ZNF778: variants seen among roughly 807,000 people sequenced by gnomAD.
The protein encoded by ZNF778 is zinc finger protein 778.
Under a neutral mutation model 23.9 loss-of-function variants are expected in ZNF778, and 37 were observed. The ratio of observed to expected loss-of-function variants is 1.54; its 90% confidence interval spans 1.19 to 2.03. The LOEUF (loss-of-function observed/expected upper bound fraction) is 2.03. ZNF778 is among the 30% of genes most tolerant of loss of function. The probability of loss-of-function intolerance (pLI) is 0.00; values close to 1 mark genes in which losing one functional copy is unlikely to be tolerated. For synonymous variants in ZNF778, 483 were observed against 343.9 expected (o/e 1.40, Z -4.48); for missense variants, 1,297 against 934.4 (o/e 1.39, Z -5.06).
Position 89,226,772 on chromosome 16 carries a change from A to G in ZNF778, c.484A>G (p.Thr162Ala), listed in dbSNP as rs1368965662. The G allele has an allele frequency of 1.9e-6, 3 of 1,614,010 alleles. No individual in the cohort carries two copies. The Admixed American group carries it at 5.0e-5, about 27-fold the overall frequency. Reference sequence around the variant, plus strand: ...TTTCAGTGAACACTCAGGCCTCAGCACACACGTGAGAACTCAAAATACAGG... The same window carrying G: ...TTTCAGTGAACACTCAGGCCTCAGCGCACACGTGAGAACTCAAAATACAGG... The part of the protein sequence containing the change: ...EAFSEHSGLS[T>A]HVRTQNTGDS... Residue 162 changes from threonine to alanine, a missense_variant, in exon 7 of 7, where the codon ACA (threonine) becomes GCA (alanine). Transcript: ENST00000433976.
intron 5 of ZNF778, among the ~76,000 whole-genome samples, chr16:89,225,024 C>G (rs1005616138): frequency 2.0e-5 from 1 of 49,722 alleles, no homozygotes; most frequent in African/African-American, 4.8e-5. Context: ...CTGAGCTTCC[C>G]GTAATTCCTT....
At position 89,226,862 on chromosome 16, in the gene ZNF778, A is replaced by G. The variant is rs748833410; in HGVS notation, c.574A>G (p.Lys192Glu). 1 of 1,614,034 alleles carries G rather than the reference A, an allele frequency of 6.2e-7. No homozygotes were observed. The highest frequency in any genetic ancestry group is 1.1e-5 in the South Asian group (1 of 91,082). ...TATTCCATGCCAGAAAACCTTGTTC[A>G]AAATTGGAGAGCAGTTTTCCGTGTT... is the stretch of plus-strand genomic sequence containing the variant. Reference protein sequence around the residue: ...FFIPCQKTLFKIGEQFSVLGQ... With the variant: ...FFIPCQKTLFEIGEQFSVLGQ... Residue 192 changes from lysine to glutamate, a missense_variant, in exon 7 of 7, where the codon AAA becomes GAA. Coordinates refer to ENST00000433976, the MANE Select transcript of ZNF778 (RefSeq NM_001201407.2).
In ZNF778 at chr16:89,228,288, A is replaced by C; in HGVS notation, c.2000A>C (p.His667Pro). 6.2e-7 allele frequency: 1 copy of C among 1,605,700 alleles called. No homozygotes were observed. The highest frequency in any genetic ancestry group is 8.5e-7 in the Non-Finnish European group (1 of 1,173,256). Residue 667 changes from histidine (H) to proline (P), a missense_variant, in exon 7 of 7, where the codon CAC (histidine) becomes CCC (proline). Physicochemically the swap from His to Pro is moderately conservative, Grantham distance 77. Coordinates refer to ENST00000433976, the MANE Select transcript of ZNF778 (RefSeq NM_001201407.2). ...CACCTTATCGAACACAGAAGGACTC[A>C]CACAGGAGAGAAACCTTACATATGT... The part of the protein sequence containing the change: ...SSHLIEHRRT[H>P]TGEKPYICNE...
In ZNF778 at chr16:89,232,983, T is replaced by C; in HGVS notation, c.*4421T>C. 8.0e-7 allele frequency: 1 copy of C among 1,251,780 alleles called. No individual in the cohort carries two copies. Among genetic ancestry groups the C allele is most frequent in the South Asian group, 1.3e-5 (1 of 74,252 alleles). The allele number at this position is 1,251,780 out of a possible 1,614,324, so 77.5% of individuals were successfully genotyped here. A position where few individuals can be genotyped will look rare whatever the true frequency, so the allele number is the denominator to read the frequency against. On this transcript the variant is annotated 3_prime_UTR_variant, in exon 7 of 7. Transcript: ENST00000433976. The stretch of plus-strand genomic sequence containing the variant: ...GCTCTGCGTATGCAACTGAGCTCGC[T>C]CTGCGTATGCAACCCAGCTCGCTCT...
In ZNF778 at chr16:89,230,794, C is replaced by T. The variant is rs748796167; in HGVS notation, c.*2232C>T. ...TGAATCCCCACGGTATAAAGGTAAT[C>T]TACAACGAGGTGAACAATAAATCCT... On this transcript the variant is annotated 3_prime_UTR_variant, in exon 7 of 7. Transcript: ENST00000433976. 3.3e-5 allele frequency: 5 copies of T among 152,370 alleles called. No individual in the cohort carries two copies. The highest frequency in any genetic ancestry group is 3.4e-3 in the Middle Eastern group (1 of 294). The allele number at this position is 152,370 out of a possible 1,614,324, so 9.4% of individuals were successfully genotyped here. A position where few individuals can be genotyped will look rare whatever the true frequency, so the allele number is the denominator to read the frequency against.
rs1006238244 is a variant in ZNF778, at chr16:89,232,389, T to A, written c.*3827T>A. ...GAACCATGAGCCAAATAAGCCTCTTTCTAAGTTACCCACAGCCTCAGATAT... is the reference window on the plus strand; with the variant it reads ...GAACCATGAGCCAAATAAGCCTCTTACTAAGTTACCCACAGCCTCAGATAT... On this transcript the variant is annotated 3_prime_UTR_variant, in exon 7 of 7. Transcript: ENST00000433976. 1 of 300,212 alleles carries A rather than the reference T, an allele frequency of 3.3e-6. No homozygotes were observed. Among genetic ancestry groups the A allele is most frequent in the African/African-American group, 2.2e-5 (1 of 45,790 alleles). 18.6% of individuals were successfully genotyped at this position (300,212 alleles called of 1,614,324 possible). A position where few individuals can be genotyped will look rare whatever the true frequency, so the allele number is the denominator to read the frequency against.
Position 89,221,061 on chromosome 16 carries a change from C to G in ZNF778, c.-67C>G. On this transcript the variant is annotated 5_prime_UTR_variant, in exon 2 of 7. Coordinates refer to ENST00000433976, the MANE Select transcript of ZNF778 (RefSeq NM_001201407.2). ...AGACTGTACCTTCCACATAGATTCA[C>G]AAGCTGCCCTGCAGTGGCCTTGGCT... The G allele has an allele frequency of 6.5e-7, 1 of 1,539,640 alleles. No homozygotes were observed. The highest frequency in any genetic ancestry group is 2.0e-5 in the Admixed American group (1 of 51,070).
Position 89,234,495 on chromosome 16 carries a change from C to T in ZNF778, c.*5933C>T, listed in dbSNP as rs1434729527. The T allele has an allele frequency of 5.6e-6, 1 of 177,130 alleles. No homozygotes were observed. The highest frequency in any genetic ancestry group is 1.5e-4 in the East Asian group (1 of 6,804). The allele number at this position is 177,130 out of a possible 1,614,324, so 11.0% of individuals were successfully genotyped here. On this transcript the variant is annotated 3_prime_UTR_variant, in exon 7 of 7. Transcript: ENST00000433976. ...GATGAAGTACCTGGTCTTGTTTTTT[C>T]CTGGTTTGTTTGATCTTTGTTCTTT...
intron 2 of ZNF778, 28 bp downstream of exon 2, chr16:89,221,180 A>G: frequency 6.5e-7 from 1 of 1,539,000 alleles, no homozygotes; most frequent in South Asian, 1.2e-5. Flanking sequence ...TCCTTCTCAG[A>G]GCCTCTGCTC....
At position 89,234,222 on chromosome 16, in the gene ZNF778, C is replaced by T. The variant is rs140154057; in HGVS notation, c.*5660C>T. 3 of 365,018 alleles carry T rather than the reference C, an allele frequency of 8.2e-6. No individual in the cohort carries two copies. The Admixed American group carries it at 1.1e-4, about 13-fold the overall frequency. The allele number at this position is 365,018 out of a possible 1,614,324, so 22.6% of individuals were successfully genotyped here. ...AGTGGTGTGGTTTTCCTCATAGTCT[C>T]TCTACCTAAGCACATGTCTGTGACA... On this transcript the variant is annotated 3_prime_UTR_variant, in exon 7 of 7. Transcript: ENST00000433976.
rs1195609519 is a variant in ZNF778, at chr16:89,231,259, C to T, written c.*2697C>T. 1 of 152,228 alleles carries T rather than the reference C, an allele frequency of 6.6e-6. No homozygotes were observed. Among genetic ancestry groups the T allele is most frequent in the Non-Finnish European group, 1.5e-5 (1 of 68,074 alleles). 9.4% of individuals were successfully genotyped at this position (152,228 alleles called of 1,614,324 possible). A position where few individuals can be genotyped will look rare whatever the true frequency, so the allele number is the denominator to read the frequency against. ...TGGTCTCAGGTGACATCCTGATTGG[C>T]TGAAATAAGTCCTGCAGGTCTCTGC... On this transcript the variant is annotated 3_prime_UTR_variant, in exon 7 of 7. Transcript: ENST00000433976.
intron 3 of ZNF778, 71 bp downstream of exon 3, chr16:89,222,254 G>C: frequency 3.9e-6 from 5 of 1,268,206 alleles, no homozygotes; most frequent in Non-Finnish European, 5.5e-6. Flanking sequence ...TTCTGTCTGA[G>C]CAGACTTGTC....
rs777425991 is a variant in ZNF778 at position 89,227,495 on chromosome 16, A to C, written c.1207A>C (p.Arg403=). ...FACVVCGKYF[R]NSSCLNNHVR... The stretch of plus-strand genomic sequence containing the variant: ...ATGTGTGGTTTGCGGAAAATATTTT[A>C]GAAATTCCTCATGCCTTAATAATCA... Residue 403 remains arginine, a synonymous_variant, in exon 7 of 7, where the codon AGA becomes CGA. Coordinates refer to ENST00000433976, the MANE Select transcript of ZNF778 (RefSeq NM_001201407.2). The C allele has an allele frequency of 6.2e-7, 1 of 1,613,918 alleles. No homozygotes were observed. The highest frequency in any genetic ancestry group is 8.5e-7 in the Non-Finnish European group (1 of 1,179,860).
Position 89,228,621 on chromosome 16 carries a change from C to T in ZNF778, c.*59C>T. ...CATTCACGTTGAAGACATGAAAGAC[C>T]TCTCGTTCTCCAGATGTCCATGACT... is the stretch of plus-strand genomic sequence containing the variant. On this transcript the variant is annotated 3_prime_UTR_variant, in exon 7 of 7. Coordinates refer to ENST00000433976, the MANE Select transcript of ZNF778 (RefSeq NM_001201407.2). The T allele has an allele frequency of 6.6e-7, 1 of 1,522,208 alleles. No individual in the cohort carries two copies. The highest frequency in any genetic ancestry group is 8.8e-7 in the Non-Finnish European group (1 of 1,141,624). The allele number at this position is 1,522,208 out of a possible 1,614,324, so 94.3% of individuals were successfully genotyped here.
chr16:89,229,857 G>T lies in ZNF778; in HGVS notation c.*1295G>T. On this transcript the variant is annotated 3_prime_UTR_variant, in exon 7 of 7. Transcript: ENST00000433976. The stretch of plus-strand genomic sequence containing the variant: ...TGTGTGAGCAGCGTAGGCTCTGGTT[G>T]GTTAGTCTTGAGGATCCAGATGTGA... The T allele has an allele frequency of 1.0e-6, 1 of 983,864 alleles. No homozygotes were observed. Among genetic ancestry groups the T allele is most frequent in the Non-Finnish European group, 1.2e-6 (1 of 829,230 alleles). 60.9% of individuals were successfully genotyped at this position (983,864 alleles called of 1,614,324 possible). A position where few individuals can be genotyped will look rare whatever the true frequency, so the allele number is the denominator to read the frequency against.
At chr16:89,222,039 GA>G (rs2031005782) in intron 2 of ZNF778, 52 bp from the exon 3 acceptor site, 1 of 1,350,484 alleles carries the variant, frequency 7.4e-7, no homozygotes, top group Non-Finnish European at 1.0e-6. Context: ...CATGAGTGTG[GA>G]ATTAGGGTCA....
intron 4 of ZNF778, among the ~76,000 whole-genome samples, chr16:89,224,317 G>C (rs1282458438): frequency 1.3e-5 from 2 of 152,106 alleles, no homozygotes; most frequent in Non-Finnish European, 2.9e-5. Context: ...GCTCACGCCT[G>C]TAATCCGAGC....
In ZNF778 at chr16:89,226,393, C is replaced by T. The variant is rs966617961; in HGVS notation, c.406-301C>T. Among the ~76,000 whole-genome samples, 4 of 152,186 alleles carry T rather than the reference C, an allele frequency of 2.6e-5. 1 individual carries two copies. In the South Asian group the frequency reaches 6.2e-4, roughly 24 times the overall value. On this transcript the variant is annotated intron_variant, in intron 6 of 6. Transcript: ENST00000433976. ...GTTAATTTTGTATTTTTAATAGAGA[C>T]GGGGTTTCTCCATGTTGGTCAGGCT...
chr16:89,224,674 C>G (rs748567186), intron 4 of ZNF778, 45 bp from the exon 5 acceptor site: 30 of 1,408,168 alleles, frequency 2.1e-5, no homozygotes, highest in Non-Finnish European at 2.8e-5. Flanking sequence ...GTTTGTCATC[C>G]CCTGCCTGAG....
Sources: allele counts gnomAD v4.1 joint callset (sites outside exome capture counted in the v4.1 genomes callset), GRCh38; gene constraint gnomAD v4.1.1; transcripts MANE v1.5; gene names NCBI Gene and HGNC (gene_info 2026-07-23, HGNC 2026-07-21).